Variants in TTC39B observed in about 807,000 individuals in gnomAD.
The protein encoded by TTC39B is tetratricopeptide repeat domain 39B.
In TTC39B, 92 loss-of-function variants were observed where a neutral mutation model predicts 96.6. That is an observed-to-expected ratio of 0.95 (90% CI 0.80 to 1.13). The LOEUF is 1.13. Ranked by LOEUF, TTC39B falls within the 50% of genes most tolerant of loss-of-function variation. The probability of loss-of-function intolerance (pLI) is 0.00; values close to 1 mark genes in which losing one functional copy is unlikely to be tolerated. For missense variants in TTC39B, 955 were observed against 809.3 expected (o/e 1.18, Z -2.18); for synonymous variants, 367 against 299.4 (o/e 1.23, Z -2.33).
At chr9:15,232,926 TC>T (rs753970086) in intron 2 of TTC39B, among the ~76,000 whole-genome samples, 35 of 152,022 alleles carry the variant, frequency 2.3e-4, no homozygotes, top group Non-Finnish European at 4.1e-4. Flanking sequence ...CGGCGGCCGC[TC>T]AGGCACGGTT....
chr9:15,195,790 CA>C (rs760582714), intron 8 of TTC39B, among the ~76,000 whole-genome samples: 50 of 150,740 alleles, frequency 3.3e-4, no homozygotes, highest in Non-Finnish European at 6.5e-4. Flanking sequence ...CACTAAACAA[CA>C]AATTTTCAAT....
At chr9:15,221,002 A>C (rs553776480) in intron 3 of TTC39B, among the ~76,000 whole-genome samples, 2 of 152,340 alleles carry the variant, frequency 1.3e-5, no homozygotes, top group African/African-American at 4.8e-5. Flanking sequence ...TTCTCAGTGC[A>C]TGATATCAGG....
chr9:15,196,799 A>G (rs1819196298), intron 8 of TTC39B, among the ~76,000 whole-genome samples: 1 of 152,238 alleles, frequency 6.6e-6, no homozygotes, highest in Admixed American at 6.5e-5. Context: ...TCCTGTGGGT[A>G]AAGTGCCATC....
chr9:15,301,548 A>G (rs1042370966), intron 1 of TTC39B, among the ~76,000 whole-genome samples: 3 of 152,172 alleles, frequency 2.0e-5, no homozygotes, highest in Admixed American at 1.3e-4. Context: ...TTTAGTCAGG[A>G]GTTTGAGACC....
At position 15,218,635 on chromosome 9, in the gene TTC39B, A is replaced by AAAAAAAAAAAATATAT. The variant is rs374054306; in HGVS notation, c.372-4387_372-4386insATATATTTTTTTTTTT. ...AGGATGAATTTTTTAGTCTATTTTA[A>AAAAAAAAAAAATATAT]ATATATATATATAATGAACACATAA... On this transcript the variant is annotated intron_variant, in intron 3 of 19. Transcript: ENST00000512701. Among the ~76,000 whole-genome samples, 1,195 of 149,502 alleles carry AAAAAAAAAAAATATAT rather than the reference A, an allele frequency of 8.0e-3. 16 individuals carry two copies. The highest frequency in any genetic ancestry group is 0.028 in the African/African-American group (1,144 of 40,650).
rs902854151 is a variant in TTC39B, at chr9:15,175,144, G to A, written c.1842-9C>T. 10 of 1,570,854 alleles carry A rather than the reference G, an allele frequency of 6.4e-6. No individual in the cohort carries two copies. The highest frequency in any genetic ancestry group is 8.8e-6 in the Non-Finnish European group (10 of 1,142,012). On this transcript the variant is annotated splice_polypyrimidine_tract_variant and intron_variant, in intron 18 of 19. Transcript: ENST00000512701. The stretch of plus-strand genomic sequence containing the variant: ...ACTTCAGTAGCTTTTCACTGAAAGA[G>A]CAGAGGAAAATCAAGTAAATCTTAA...
At chr9:15,226,668 C>T (rs1821139528) in intron 2 of TTC39B, among the ~76,000 whole-genome samples, 1 of 152,090 alleles carries the variant, frequency 6.6e-6, no homozygotes, top group African/African-American at 2.4e-5. Context: ...TGTCTAATTT[C>T]CCACTAAATA....
intron 1 of TTC39B, among the ~76,000 whole-genome samples, chr9:15,302,339 G>A (rs1324008843): frequency 6.0e-5 from 9 of 150,670 alleles, no homozygotes; most frequent in South Asian, 2.1e-4. Context: ...AAAAAAGGCC[G>A]GGCGCGGTGG....
At chr9:15,193,952 C>T (rs866453695) in intron 8 of TTC39B, among the ~76,000 whole-genome samples, 3 of 152,120 alleles carry the variant, frequency 2.0e-5, no homozygotes, top group Admixed American at 6.6e-5. Context: ...CAGCTAACCT[C>T]GATATCCAGG....
chr9:15,265,396 G>A (rs1269396089), intron 2 of TTC39B, among the ~76,000 whole-genome samples: 2 of 152,170 alleles, frequency 1.3e-5, no homozygotes, highest in African/African-American at 4.8e-5. Flanking sequence ...TGTGTGGCAT[G>A]CTAGCTCCCG....
intron 2 of TTC39B, among the ~76,000 whole-genome samples, chr9:15,261,510 T>A (rs142289976): frequency 8.3e-4 from 126 of 152,038 alleles, no homozygotes; most frequent in African/African-American, 2.7e-3. Context: ...TCACGATGAC[T>A]GTAAGTGGTT....
intron 1 of TTC39B, among the ~76,000 whole-genome samples, chr9:15,283,154 A>T (rs751073460): frequency 3.3e-5 from 5 of 152,244 alleles, no homozygotes; most frequent in Non-Finnish European, 5.9e-5. Flanking sequence ...GAAGGAATCA[A>T]TAAAGAAATA....
At chr9:15,180,955 G>A (rs539297437) in intron 17 of TTC39B, among the ~76,000 whole-genome samples, 1 of 152,278 alleles carries the variant, frequency 6.6e-6, no homozygotes, top group Non-Finnish European at 1.5e-5. Context: ...GTCTGTCTCA[G>A]TATCCCCCGC....
chr9:15,246,679 G>A (rs1298679150), intron 2 of TTC39B, among the ~76,000 whole-genome samples: 1 of 152,222 alleles, frequency 6.6e-6, no homozygotes, highest in Non-Finnish European at 1.5e-5. Context: ...ATGCTGTGAG[G>A]AAGCTCAAGC....
At position 15,214,079 on chromosome 9, in the gene TTC39B, T is replaced by C. The variant is rs1355860503; in HGVS notation, c.482+60A>G. The C allele has an allele frequency of 2.3e-5, 30 of 1,298,850 alleles. No homozygotes were observed. In the Admixed American group the frequency reaches 5.2e-4, roughly 22 times the overall value. The allele number at this position is 1,298,850 out of a possible 1,614,324, so 80.5% of individuals were successfully genotyped here. A position where few individuals can be genotyped will look rare whatever the true frequency, so the allele number is the denominator to read the frequency against. On this transcript the variant is annotated intron_variant, in intron 4 of 19. Coordinates refer to ENST00000512701, the Ensembl canonical transcript of TTC39B. ...GCTAAATTAATTTACAAGCATGACA[T>C]CAAAGAATCATCAGAAACATCTGAA...
chr9:15,251,069 G>A (rs953782708), intron 2 of TTC39B, among the ~76,000 whole-genome samples: 2 of 151,980 alleles, frequency 1.3e-5, no homozygotes, highest in East Asian at 1.9e-4. Context: ...GGTGGCTCAC[G>A]CCTGTAGTCC....
intron 19 of TTC39B, among the ~76,000 whole-genome samples, chr9:15,174,715 A>G (rs940517378): frequency 1.2e-4 from 19 of 152,296 alleles, no homozygotes; most frequent in South Asian, 1.0e-3. Flanking sequence ...AATATTTACT[A>G]TCTAGCCATT....
intron 7 of TTC39B, 47 bp from the exon 8 acceptor site, chr9:15,199,972 T>A: frequency 8.9e-7 from 1 of 1,125,022 alleles, no homozygotes; most frequent in Non-Finnish European, 1.3e-6. Context: ...CAAAAAATTT[T>A]AAATTGTCCC....
intron 1 of TTC39B, among the ~76,000 whole-genome samples, chr9:15,286,576 T>A (rs1587010702): frequency 6.6e-6 from 1 of 152,232 alleles, no homozygotes; most frequent in African/African-American, 2.4e-5. Flanking sequence ...GTCTTGCAAC[T>A]AATAAGAAGT....
Sources: allele counts gnomAD v4.1 joint callset (sites outside exome capture counted in the v4.1 genomes callset), GRCh38; gene constraint gnomAD v4.1.1; transcripts MANE v1.5; gene names NCBI Gene and HGNC (gene_info 2026-07-23, HGNC 2026-07-21).